The following ZMIZ1 variants were observed in gnomAD, a reference collection of about 807,000 sequenced individuals.
ZMIZ1 encodes the protein zinc finger MIZ domain-containing protein 1.
In ZMIZ1, 17 loss-of-function variants were observed where a neutral mutation model predicts 113.9. The observed-to-expected ratio is 0.15, with a 90% CI of 0.10 to 0.22. The LOEUF is 0.22. ZMIZ1 is among the 10% of genes least tolerant of loss of function. ZMIZ1 has a pLI of 1.00. For missense variants in ZMIZ1, 1,059 were observed against 1,477.8 expected, an observed-to-expected ratio of 0.72 and a Z score of 4.65; for synonymous variants, 607 against 603.1, an observed-to-expected ratio of 1.01 and a Z score of -0.09.
intron 2 of ZMIZ1, among the ~76,000 whole-genome samples, chr10:79,129,885 T>G (rs1286071223): frequency 2.0e-5 from 3 of 152,014 alleles, no homozygotes. Context: ...CAGAGCGGAG[T>G]TGGTGGTGGC....
chr10:79,230,570 C>T (rs16937036), intron 7 of ZMIZ1, among the ~76,000 whole-genome samples: 3,090 of 152,280 alleles, frequency 0.02, 100 homozygotes, highest in African/African-American at 0.07. Flanking sequence ...TCGAGGGGCC[C>T]GCCTGTGTGC....
chr10:79,175,596 G>GTGTGTGTGTGTGTGTA (rs1471098847), intron 4 of ZMIZ1, among the ~76,000 whole-genome samples: 2 of 109,996 alleles, frequency 1.8e-5, no homozygotes, highest in African/African-American at 1.1e-4. Flanking sequence ...GTGTGTGTGT[G>GTGTGTGTGTGTGTGTA]TGTGTGTGTG....
intron 23 of ZMIZ1, among the ~76,000 whole-genome samples, chr10:79,308,787 T>C (rs755930095): frequency 3.3e-5 from 5 of 151,992 alleles, no homozygotes; most frequent in Non-Finnish European, 7.4e-5. Flanking sequence ...GACACCAAAA[T>C]CACACCCCCC....
At chr10:79,264,251 T>A (rs1410304415) in intron 7 of ZMIZ1, among the ~76,000 whole-genome samples, 1 of 152,146 alleles carries the variant, frequency 6.6e-6, no homozygotes, top group East Asian at 1.9e-4. Flanking sequence ...TCACCTTGCC[T>A]CTTGAGCTTG....
intron 7 of ZMIZ1, among the ~76,000 whole-genome samples, chr10:79,223,936 G>A (rs1849096390): frequency 6.6e-6 from 1 of 152,212 alleles, no homozygotes; most frequent in Admixed American, 6.5e-5. Context: ...GGAATTGGGG[G>A]GAGGGGCAGC....
At chr10:79,213,286 G>T (rs536362965) in intron 6 of ZMIZ1, among the ~76,000 whole-genome samples, 3 of 152,312 alleles carry the variant, frequency 2.0e-5, no homozygotes, top group South Asian at 4.1e-4. Context: ...CTTTCTGGGG[G>T]TCCTCAGGCT....
At chr10:79,177,869 G>A (rs1440033945) in intron 4 of ZMIZ1, among the ~76,000 whole-genome samples, 5 of 152,200 alleles carry the variant, frequency 3.3e-5, no homozygotes, top group African/African-American at 1.2e-4. Flanking sequence ...CCCACCCAGA[G>A]GTCATCCTGG....
intron 4 of ZMIZ1, among the ~76,000 whole-genome samples, chr10:79,169,395 G>T (rs1209720268): frequency 6.6e-6 from 1 of 152,252 alleles, no homozygotes; most frequent in African/African-American, 2.4e-5. Context: ...TGAGCCAGGA[G>T]GACTTTGATG....
chr10:79,266,213 C>T (rs12258283), intron 7 of ZMIZ1, among the ~76,000 whole-genome samples: 9,588 of 152,180 alleles, frequency 0.063, 601 homozygotes, highest in East Asian at 0.2. Context: ...GGGGTTGGCA[C>T]CAAGTCTTAG....
chr10:79,293,552 C>T lies in ZMIZ1; in HGVS notation c.1129C>T (p.Pro377Ser), dbSNP rs1853662662. 3.1e-6 allele frequency: 5 copies of T among 1,612,820 alleles called. No individual in the cohort carries two copies. In the East Asian group the frequency reaches 1.1e-4, roughly 36 times the overall value. Residue 377 changes from proline (P) to serine (S), a missense_variant, in exon 12 of 25, where the codon CCC becomes TCC. By Grantham distance (74) the Pro-to-Ser change is moderately conservative. Around this residue, in one of 6 missense-constraint regions of ZMIZ1, gnomAD observed 239 missense variants for 247.5 expected, o/e 0.97. Coordinates refer to ENST00000334512, the MANE Select transcript of ZMIZ1 (RefSeq NM_020338.4). ...MNQPRPPGIS[P>S]FGTHGQRMPQ... ...CCAGCCCCGGCCGCCCGGCATCAGC[C>T]CCTTTGGCACACACGGGCAGCGGAT...
chr10:79,218,204 T>C (rs1848814060), intron 7 of ZMIZ1, among the ~76,000 whole-genome samples: 1 of 152,224 alleles, frequency 6.6e-6, no homozygotes, highest in Non-Finnish European at 1.5e-5. Flanking sequence ...CTGTGTGCAG[T>C]GGCTCACACC....
chr10:79,225,439 G>C (rs1849161679), intron 7 of ZMIZ1, among the ~76,000 whole-genome samples: 1 of 152,086 alleles, frequency 6.6e-6, no homozygotes, highest in South Asian at 2.1e-4. Flanking sequence ...AGTTAAAAAG[G>C]GAGGTGATGG....
intron 7 of ZMIZ1, among the ~76,000 whole-genome samples, chr10:79,265,307 G>A (rs936921671): frequency 1.3e-5 from 2 of 152,060 alleles, no homozygotes; most frequent in Non-Finnish European, 2.9e-5. Context: ...AGCTGGGCCG[G>A]GAGCCTGCTT....
At chr10:79,214,991 C>T (rs935577315) in intron 6 of ZMIZ1, among the ~76,000 whole-genome samples, 4 of 152,154 alleles carry the variant, frequency 2.6e-5, no homozygotes, top group Admixed American at 6.5e-5. Flanking sequence ...CCCAGGGGAC[C>T]GATGGCCCTC....
chr10:79,250,624 C>G (rs1034695801), intron 7 of ZMIZ1, among the ~76,000 whole-genome samples: 3 of 152,244 alleles, frequency 2.0e-5, no homozygotes, highest in Non-Finnish European at 4.4e-5. Flanking sequence ...ACAAGGACTT[C>G]TTCCTTGAGG....
chr10:79,236,519 C>CCTTCAAAGG (rs1434240231), intron 7 of ZMIZ1, among the ~76,000 whole-genome samples: 2 of 152,294 alleles, frequency 1.3e-5, no homozygotes, highest in Admixed American at 6.5e-5. Context: ...CCGTCTCTTC[C>CCTTCAAAGG]CTTCAAAGGC....
intron 1 of ZMIZ1, among the ~76,000 whole-genome samples, chr10:79,076,182 C>T (rs1842468757): frequency 6.6e-6 from 1 of 152,202 alleles, no homozygotes; most frequent in Admixed American, 6.5e-5. Context: ...CACTTGGTCT[C>T]ATCCAAGGTC....
intron 7 of ZMIZ1, among the ~76,000 whole-genome samples, chr10:79,271,115 A>G (rs1233642985): frequency 6.6e-6 from 1 of 152,196 alleles, no homozygotes; most frequent in African/African-American, 2.4e-5. Flanking sequence ...GGCCCTGTGC[A>G]ACATGTGTGC....
At chr10:79,124,071 T>C (rs1844414801) in intron 2 of ZMIZ1, among the ~76,000 whole-genome samples, 1 of 152,228 alleles carries the variant, frequency 6.6e-6, no homozygotes, top group Admixed American at 6.5e-5. Context: ...TGCAGCTCAC[T>C]GCTTATTCCT....
Sources: allele counts gnomAD v4.1 joint callset (sites outside exome capture counted in the v4.1 genomes callset), GRCh38; gene constraint gnomAD v4.1.1; regional missense constraint gnomAD v4.1.1; transcripts MANE v1.5; gene names NCBI Gene and HGNC (gene_info 2026-07-23, HGNC 2026-07-21).